AMBRA1: variants seen among roughly 807,000 people sequenced by gnomAD.
The protein encoded by AMBRA1 is autophagy and beclin 1 regulator 1.
Under a neutral mutation model 125.4 loss-of-function variants are expected in AMBRA1, and 47 were observed. The observed-to-expected ratio is 0.37, with a 90% CI of 0.30 to 0.48. The LOEUF (loss-of-function observed/expected upper bound fraction) is 0.48. AMBRA1 is among the 20% of genes least tolerant of loss of function. The probability of loss-of-function intolerance (pLI) is 0.99; values close to 1 mark genes in which losing one functional copy is unlikely to be tolerated. For missense variants in AMBRA1, 1,331 were observed against 1,693.4 expected (o/e 0.79, Z 3.76); for synonymous variants, 626 against 655.5 (o/e 0.95, Z 0.69).
intron 14 of AMBRA1, among the ~76,000 whole-genome samples, chr11:46,433,053 A>G (rs1947528189): frequency 6.6e-6 from 1 of 152,240 alleles, no homozygotes; most frequent in Admixed American, 6.5e-5. Context: ...TTCATCTTCC[A>G]TCATAATTAT....
intron 1 of AMBRA1, among the ~76,000 whole-genome samples, chr11:46,581,513 A>G (rs2044169385): frequency 6.6e-6 from 1 of 152,024 alleles, no homozygotes; most frequent in Admixed American, 6.6e-5. Context: ...AGGCTAAGGC[A>G]GGAGAATGAC....
chr11:46,507,130 T>C (rs748734520), intron 9 of AMBRA1, among the ~76,000 whole-genome samples: 4 of 139,108 alleles, frequency 2.9e-5, no homozygotes, highest in Non-Finnish European at 4.6e-5. Context: ...TGAGCCGAGA[T>C]TGTGCCACTG....
At chr11:46,406,196 G>A (rs1674070846) in intron 17 of AMBRA1, among the ~76,000 whole-genome samples, 1 of 151,564 alleles carries the variant, frequency 6.6e-6, no homozygotes, top group African/African-American at 2.4e-5. Context: ...TGGGATTACA[G>A]GTGCCCACCA....
chr11:46,489,057 C>A (rs1157367501), intron 11 of AMBRA1, among the ~76,000 whole-genome samples: 1 of 152,096 alleles, frequency 6.6e-6, no homozygotes, highest in Non-Finnish European at 1.5e-5. Context: ...CGCCCGCAAC[C>A]GCCCGGTTAA....
At chr11:46,552,479 G>C (rs530452016) in intron 1 of AMBRA1, among the ~76,000 whole-genome samples, 1 of 139,714 alleles carries the variant, frequency 7.2e-6, no homozygotes, top group Admixed American at 7.6e-5. Context: ...AAGTTCAAGA[G>C]ATCGAGACCA....
chr11:46,527,745 A>G lies in AMBRA1; in HGVS notation c.2072+14200T>C, dbSNP rs528891544. Among the ~76,000 whole-genome samples, 24 of 152,134 alleles carry G rather than the reference A, an allele frequency of 1.6e-4. 1 individual carries two copies. The highest frequency in any genetic ancestry group is 1.5e-3 in the Admixed American group (23 of 15,270). On this transcript the variant is annotated intron_variant, in intron 7 of 17. Coordinates refer to ENST00000683756, the MANE Select transcript of AMBRA1 (RefSeq NM_001387011.1). Reference sequence around the variant, plus strand: ...TTAGGGAAATGCAAAGCAAAACCACATTTATTTATCGCCTCACACCTGTTA... The same window carrying G: ...TTAGGGAAATGCAAAGCAAAACCACGTTTATTTATCGCCTCACACCTGTTA...
intron 1 of AMBRA1, among the ~76,000 whole-genome samples, chr11:46,569,255 A>G (rs1443853412): frequency 6.7e-6 from 1 of 150,350 alleles, no homozygotes; most frequent in Non-Finnish European, 1.5e-5. Context: ...AAAAAAAAAA[A>G]AAAAGTAACC....
chr11:46,399,224 C>T (rs1945597824), intron 17 of AMBRA1, among the ~76,000 whole-genome samples: 1 of 152,008 alleles, frequency 6.6e-6, no homozygotes, highest in Non-Finnish European at 1.5e-5. Context: ...CAGGTGCCCG[C>T]CACCACACCC....
intron 11 of AMBRA1, among the ~76,000 whole-genome samples, chr11:46,477,141 C>CA (rs1949848080): frequency 6.7e-6 from 1 of 150,280 alleles, no homozygotes; most frequent in Admixed American, 6.7e-5. Context: ...CTGAGACCCA[C>CA]AACAGATAAA....
intron 11 of AMBRA1, among the ~76,000 whole-genome samples, chr11:46,461,712 T>C (rs1590867278): frequency 6.6e-6 from 1 of 152,372 alleles, no homozygotes; most frequent in East Asian, 1.9e-4. Flanking sequence ...ATGTAAAGCC[T>C]GAGCTACTGC....
intron 1 of AMBRA1, among the ~76,000 whole-genome samples, chr11:46,586,947 C>G (rs1290609904): frequency 1.3e-5 from 2 of 152,114 alleles, no homozygotes; most frequent in African/African-American, 4.8e-5. Flanking sequence ...ATCAAATGTG[C>G]TTATTAATCC....
chr11:46,563,990 C>A (rs940903569), intron 1 of AMBRA1, among the ~76,000 whole-genome samples: 2 of 150,758 alleles, frequency 1.3e-5, no homozygotes, highest in Non-Finnish European at 3.0e-5. Context: ...ACTAAAAATA[C>A]AAAATTAGCC....
chr11:46,425,430 C>T (rs2136676862), intron 14 of AMBRA1, among the ~76,000 whole-genome samples: 1 of 150,218 alleles, frequency 6.7e-6, no homozygotes, highest in Non-Finnish European at 1.5e-5. Context: ...ATTGATTTTC[C>T]AATTCTTGAA....
At chr11:46,535,176 T>G (rs1351945307) in intron 7 of AMBRA1, among the ~76,000 whole-genome samples, 3 of 152,246 alleles carry the variant, frequency 2.0e-5, no homozygotes. Flanking sequence ...TCTTTCCTAT[T>G]TGTCCTTAAA....
intron 12 of AMBRA1, among the ~76,000 whole-genome samples, chr11:46,438,312 C>T (rs1405352433): frequency 6.6e-6 from 1 of 152,204 alleles, no homozygotes; most frequent in Non-Finnish European, 1.5e-5. Flanking sequence ...GTAATCTCCT[C>T]CCAATTAGAA....
At chr11:46,487,461 G>A (rs1249601184) in intron 11 of AMBRA1, among the ~76,000 whole-genome samples, 1 of 152,056 alleles carries the variant, frequency 6.6e-6, no homozygotes, top group Non-Finnish European at 1.5e-5. Context: ...ACAAACAGAA[G>A]GATGCCTGAG....
rs759507676 is a variant in AMBRA1 at position 46,548,350 on chromosome 11, G to A, written c.31C>T (p.Arg11Trp). The A allele has an allele frequency of 5.0e-6, 8 of 1,613,752 alleles. No homozygotes were observed. The highest frequency in any genetic ancestry group is 1.3e-5 in the African/African-American group (1 of 74,852). The change falls in exon 2 of 18, where the codon CGG becomes TGG. Residue 11 changes from arginine to tryptophan, a missense_variant. Arg to Trp is a moderately radical substitution (Grantham distance 101, BLOSUM62 -3). This residue lies in a region of AMBRA1 where 144 missense variants were observed against 250.4 expected (regional missense o/e 0.58). Transcript: ENST00000683756. ...CCCCGTTCTCGCCCCCAGAGTATCCGGACAGCATTCTTTTCTGGGACAACC... is the reference window on the plus strand; with the variant it reads ...CCCCGTTCTCGCCCCCAGAGTATCCAGACAGCATTCTTTTCTGGGACAACC... Reference protein sequence around the residue: MKVVPEKNAVRILWGRERGAR... With the variant: MKVVPEKNAVWILWGRERGAR...
chr11:46,450,417 C>T (rs546084193), intron 11 of AMBRA1, among the ~76,000 whole-genome samples: 2 of 151,346 alleles, frequency 1.3e-5, no homozygotes, highest in Admixed American at 6.6e-5. Context: ...GAGGCAGAGA[C>T]GAACAGGTGA....
chr11:46,564,486 G>A (rs1380860151), intron 1 of AMBRA1, among the ~76,000 whole-genome samples: 1 of 151,984 alleles, frequency 6.6e-6, no homozygotes, highest in Non-Finnish European at 1.5e-5. Flanking sequence ...GTGAAGGAGA[G>A]ATTCAAAATC....
Sources: gnomAD v4.1 joint callset for allele counts (sites outside exome capture counted in the v4.1 genomes callset) on GRCh38, gnomAD v4.1.1 for gene constraint, gnomAD v4.1.1 regional missense constraint, MANE v1.5 for transcripts, NCBI Gene and HGNC (gene_info 2026-07-23, HGNC 2026-07-21) for gene names.